The following PPRC1 variants were observed in gnomAD, a reference collection of about 807,000 sequenced individuals.
PPRC1 encodes PPARG related coactivator 1.
Under a neutral mutation model 132.5 loss-of-function variants are expected in PPRC1, and 23 were observed. That is an observed-to-expected ratio of 0.17 (90% CI 0.12 to 0.25). The LOEUF (loss-of-function observed/expected upper bound fraction) is 0.25. Ranked by LOEUF, PPRC1 falls within the 10% of genes least tolerant of loss-of-function variation. The probability of loss-of-function intolerance (pLI) is 1.00; values close to 1 mark genes in which losing one functional copy is unlikely to be tolerated. For synonymous variants in PPRC1, 872 were observed against 833.5 expected, an observed-to-expected ratio of 1.05 and a Z score of -0.80; for missense variants, 2,006 against 2,089.1, an observed-to-expected ratio of 0.96 and a Z score of 0.78.
intron 1 of PPRC1, among the ~76,000 whole-genome samples, chr10:102,133,660 C>G (rs1590312247): frequency 6.6e-6 from 1 of 151,764 alleles, no homozygotes; most frequent in East Asian, 1.9e-4. Flanking sequence ...GGTCGGGCTC[C>G]TGGTGGAGGG....
chr10:102,128,090 A>ATGGT (rs1388347224), upstream of PPRC1, among the ~76,000 whole-genome samples: 1 of 151,354 alleles, frequency 6.6e-6, no homozygotes, highest in Non-Finnish European at 1.5e-5. Flanking sequence ...GCTCACTGTC[A>ATGGT]TGGTTGTTGG....
intron 4 of PPRC1, 38 bp downstream of exon 4, chr10:102,139,018 GGGA>G (rs762621105): frequency 2.5e-6 from 4 of 1,603,416 alleles, no homozygotes; most frequent in South Asian, 2.2e-5. Context: ...ACTCCCAGGT[GGGA>G]GGAGGAGTGT....
At chr10:102,130,829 G>A (rs527255172), upstream of PPRC1, among the ~76,000 whole-genome samples, 16 of 152,182 alleles carry the variant, frequency 1.1e-4, no homozygotes, top group African/African-American at 3.9e-4. Context: ...AAGGCAGGAG[G>A]ATCTTCTGAG....
intron 6 of PPRC1, 117 bp from the exon 7 acceptor site, chr10:102,144,133 A>G (rs2069117646): frequency 1.1e-6 from 1 of 943,390 alleles, no homozygotes; most frequent in South Asian, 1.3e-5. Context: ...GGAGATCCCA[A>G]CAGGGAATAT....
intron 13 of PPRC1, among the ~76,000 whole-genome samples, chr10:102,149,567 C>T (rs2069423332): frequency 6.6e-6 from 1 of 151,988 alleles, no homozygotes; most frequent in African/African-American, 2.4e-5. Flanking sequence ...CCCATCTCTA[C>T]CAAAAATAGA....
chr10:102,129,630 G>T (rs1389160979), upstream of PPRC1, among the ~76,000 whole-genome samples: 1 of 151,924 alleles, frequency 6.6e-6, no homozygotes, highest in Non-Finnish European at 1.5e-5. Context: ...TTGAGATGGA[G>T]TCTCGCCCCG....
Position 102,148,617 on chromosome 10 carries a change from T to G in PPRC1, c.4551-11T>G. On this transcript the variant is annotated splice_polypyrimidine_tract_variant and intron_variant, in intron 10 of 13. Coordinates refer to ENST00000278070, the MANE Select transcript of PPRC1 (RefSeq NM_015062.5). The surrounding 1 kb of genome is among the most constrained non-coding windows in gnomAD (Gnocchi z 4.2). Reference sequence around the variant, plus strand: ...TATGTTTGGGGGGCTGATGACACCCTCTTTTGTCAGGTACAGCTCTTATCG... The same window carrying G: ...TATGTTTGGGGGGCTGATGACACCCGCTTTTGTCAGGTACAGCTCTTATCG... 6.2e-7 allele frequency: 1 copy of G among 1,614,126 alleles called. No individual in the cohort carries two copies. The highest frequency in any genetic ancestry group is 8.5e-7 in the Non-Finnish European group (1 of 1,180,016).
upstream of PPRC1, among the ~76,000 whole-genome samples, chr10:102,129,884 G>A (rs1284071643): frequency 2.6e-5 from 4 of 152,156 alleles, no homozygotes; most frequent in Non-Finnish European, 4.4e-5. Flanking sequence ...AATTACAGGC[G>A]TGAGCCACTG....
chr10:102,123,194 T>C, the PPRC1 span, among the ~76,000 whole-genome samples: 8 of 152,228 alleles, frequency 5.3e-5, no homozygotes, highest in Admixed American at 3.9e-4. Flanking sequence ...TAGTTAACTT[T>C]GCCAAGGTAA....
upstream of PPRC1, chr10:102,132,948 G>C: frequency 1.6e-6 from 2 of 1,219,374 alleles, no homozygotes; most frequent in Non-Finnish European, 2.0e-6. Flanking sequence ...GGGTCTCGCC[G>C]CACGGCTCTC....
rs896279604 is a variant in PPRC1, at chr10:102,141,307, C to T, written c.2799C>T (p.Gly933=). Residue 933 remains glycine, a synonymous_variant, in exon 5 of 14, where the codon GGC becomes GGT. Coordinates refer to ENST00000278070, the MANE Select transcript of PPRC1 (RefSeq NM_015062.5). ...WPCYPHVSPS[G]YPCLPPPPTV... ...GTTATCCTCATGTGTCCCCTTCTGG[C>T]TATCCTTGCCTGCCCCCCCCACCAA... is the stretch of plus-strand genomic sequence containing the variant. 17 of 1,614,004 alleles carry T rather than the reference C, an allele frequency of 1.1e-5. No homozygotes were observed. The highest frequency in any genetic ancestry group is 1.4e-5 in the Non-Finnish European group (16 of 1,179,920).
upstream of PPRC1, among the ~76,000 whole-genome samples, chr10:102,131,193 CAAAAAAA>C (rs1175316312): frequency 1.2e-5 from 1 of 80,720 alleles, no homozygotes; most frequent in Admixed American, 1.4e-4. Flanking sequence ...CACTCCATCT[CAAAAAAA>C]AAAAAAAAAA....
At position 102,146,928 on chromosome 10, in the gene PPRC1, A is replaced by G; in HGVS notation, c.3936A>G (p.Leu1312=). The change falls in exon 9 of 14, where the codon CTA becomes CTG. Residue 1312 remains leucine, a synonymous_variant. Coordinates refer to ENST00000278070, the MANE Select transcript of PPRC1 (RefSeq NM_015062.5). ...SRTPPKKMPA[L]VIPEVGSRWN... is the part of the protein sequence containing the mutation. The stretch of plus-strand genomic sequence containing the variant: ...CCCCCCCAAAAAAGATGCCTGCCCT[A>G]GTCATTCCAGAGGTGGGCTCCCGAT... The G allele has an allele frequency of 6.2e-7, 1 of 1,614,084 alleles. No individual in the cohort carries two copies. The highest frequency in any genetic ancestry group is 8.5e-7 in the Non-Finnish European group (1 of 1,180,006).
intron 7 of PPRC1, chr10:102,144,538 A>G: frequency 1.7e-6 from 1 of 577,394 alleles, no homozygotes; most frequent in East Asian, 2.9e-5. Flanking sequence ...TCGGGCTCCA[A>G]ATGTCCTAGA....
the PPRC1 span, among the ~76,000 whole-genome samples, chr10:102,120,644 G>C: frequency 6.6e-6 from 1 of 152,202 alleles, no homozygotes; most frequent in Non-Finnish European, 1.5e-5. Context: ...GAGCGCTCGG[G>C]GAACGGCATG....
chr10:102,144,696 C>T, intron 7 of PPRC1: 1 of 472,090 alleles, frequency 2.1e-6, no homozygotes, highest in Non-Finnish European at 3.8e-6. Flanking sequence ...TGTTCATGAT[C>T]CTCCATCCTG....
At chr10:102,144,172 G>C (rs1479513197) in intron 6 of PPRC1, 78 bp from the exon 7 acceptor site, 30 of 1,418,554 alleles carry the variant, frequency 2.1e-5, no homozygotes, top group Non-Finnish European at 2.9e-5. Flanking sequence ...CCTCCTTTGG[G>C]TCTCAAAGCA....
upstream of PPRC1, among the ~76,000 whole-genome samples, chr10:102,132,703 G>A (rs1349340673): frequency 6.6e-6 from 1 of 152,264 alleles, no homozygotes; most frequent in Non-Finnish European, 1.5e-5. Flanking sequence ...GGAACGTACA[G>A]CAGGTAGAAC....
At chr10:102,145,124 A>G (rs750395640) in intron 8 of PPRC1, 34 bp downstream of exon 8, 27 of 1,567,568 alleles carry the variant, frequency 1.7e-5, no homozygotes, top group Non-Finnish European at 2.4e-5. Context: ...GCCTGTGATT[A>G]GTCTATGCAG....
Sources: gnomAD v4.1 joint callset for allele counts (sites outside exome capture counted in the v4.1 genomes callset) on GRCh38, gnomAD v4.1.1 for gene constraint, Gnocchi (gnomAD v3.1) non-coding constraint, MANE v1.5 for transcripts, NCBI Gene and HGNC (gene_info 2026-07-23, HGNC 2026-07-21) for gene names.